The following LHX8 variants were observed in gnomAD, a reference collection of about 807,000 sequenced individuals.
The protein encoded by LHX8 is LIM homeobox 8, also known as LIM/homeobox protein Lhx8.
Under a neutral mutation model 40.3 loss-of-function variants are expected in LHX8, and 12 were observed. The observed-to-expected ratio is 0.30, with a 90% CI of 0.19 to 0.48. The LOEUF (loss-of-function observed/expected upper bound fraction) is 0.48, where lower values mean the gene tolerates loss of function less well. LHX8 is among the 20% of genes least tolerant of loss of function. The probability of loss-of-function intolerance (pLI) is 0.99; values close to 1 mark genes in which losing one functional copy is unlikely to be tolerated. For missense variants in LHX8, 344 were observed against 433.7 expected (o/e 0.79, Z 1.84); for synonymous variants, 179 against 162.0 (o/e 1.10, Z -0.80).
chr1:75,185,713 A>G, the LHX8 span, among the ~76,000 whole-genome samples: 1 of 152,184 alleles, frequency 6.6e-6, no homozygotes, highest in South Asian at 2.1e-4. Flanking sequence ...GGCAAGAGAA[A>G]AAAACAAAGG....
At chr1:75,191,226 G>T in the LHX8 span, among the ~76,000 whole-genome samples, 3 of 151,708 alleles carry the variant, frequency 2.0e-5, no homozygotes, top group African/African-American at 7.3e-5. Context: ...CAAGAATGAA[G>T]AGCAAAAAAC....
intron 6 of LHX8, among the ~76,000 whole-genome samples, chr1:75,146,264 G>A (rs1396877120): frequency 1.3e-5 from 2 of 152,048 alleles, no homozygotes; most frequent in African/African-American, 2.4e-5. Flanking sequence ...TTGGACAGAG[G>A]AGAGTTAAAA....
chr1:75,182,707 T>G, the LHX8 span, among the ~76,000 whole-genome samples: 1 of 152,198 alleles, frequency 6.6e-6, no homozygotes, highest in East Asian at 1.9e-4. Context: ...ACCATGCCAC[T>G]TTTGTAACTA....
In LHX8 at chr1:75,160,892, C is replaced by T; in HGVS notation, c.1038C>T (p.Thr346=). 1.9e-6 allele frequency: 3 copies of T among 1,607,224 alleles called. No individual in the cohort carries two copies. The highest frequency in any genetic ancestry group is 2.6e-6 in the Non-Finnish European group (3 of 1,173,910). The part of the protein sequence containing the change: ...HSMTQLPISH[T] Reference sequence around the variant, plus strand: ...TGACACAACTGCCAATAAGTCATACCTAATTCTTTTTTCAGGGATAGACTT... The same window carrying T: ...TGACACAACTGCCAATAAGTCATACTTAATTCTTTTTTCAGGGATAGACTT... The change falls in exon 9 of 9, where the codon ACC becomes ACT. Residue 346 remains threonine (T), a synonymous_variant. Transcript: ENST00000356261.
the LHX8 span, among the ~76,000 whole-genome samples, chr1:75,174,174 A>G: frequency 6.6e-6 from 1 of 152,192 alleles, no homozygotes; most frequent in Non-Finnish European, 1.5e-5. Flanking sequence ...GGAGACACTC[A>G]TGATTCATTT....
the LHX8 span, among the ~76,000 whole-genome samples, chr1:75,186,197 A>G: frequency 3.9e-5 from 6 of 152,200 alleles, no homozygotes; most frequent in Non-Finnish European, 8.8e-5. Context: ...AACGATTTTA[A>G]CATTCATATG....
chr1:75,152,401 T>G (rs189701739), intron 7 of LHX8, among the ~76,000 whole-genome samples: 197 of 152,332 alleles, frequency 1.3e-3, no homozygotes, highest in Admixed American at 2.7e-3. Context: ...GTTCACATAC[T>G]CTTTCAGATA....
chr1:75,191,551 T>C, the LHX8 span, among the ~76,000 whole-genome samples: 1 of 152,192 alleles, frequency 6.6e-6, no homozygotes, highest in Admixed American at 6.5e-5. Context: ...TCCTTGATCC[T>C]GGTCTAAGGA....
chr1:75,174,052 C>T, the LHX8 span, among the ~76,000 whole-genome samples: 5 of 151,942 alleles, frequency 3.3e-5, no homozygotes, highest in East Asian at 1.9e-4. Context: ...AAATCTGAAA[C>T]GCTGCTTGTC....
At position 75,137,081 on chromosome 1, in the gene LHX8, G is replaced by A. The variant is rs1470033315; in HGVS notation, c.76-19G>A. 1.9e-6 allele frequency: 3 copies of A among 1,593,864 alleles called. No homozygotes were observed. Among genetic ancestry groups the A allele is most frequent in the Non-Finnish European group, 2.6e-6 (3 of 1,167,762 alleles). ...GGAGGAGGGGTCTAGAACCGCCTGC[G>A]CCTCGCGGTTTCCTGCAGGTGAGCC... On this transcript the variant is annotated intron_variant, in intron 2 of 8. Coordinates refer to ENST00000356261, the MANE Select transcript of LHX8 (RefSeq NM_001256114.2).
chr1:75,194,686 C>G, the LHX8 span, among the ~76,000 whole-genome samples: 17,766 of 152,142 alleles, frequency 0.12, 1,724 homozygotes, highest in African/African-American at 0.26. Context: ...GAGTTACTCT[C>G]TTAAGAAATA....
At chr1:75,191,200 A>C in the LHX8 span, among the ~76,000 whole-genome samples, 2 of 152,282 alleles carry the variant, frequency 1.3e-5, no homozygotes, top group East Asian at 3.9e-4. Flanking sequence ...AAAATCGATC[A>C]CCCACACAGC....
rs1392237381 is a variant in LHX8 at position 75,157,502 on chromosome 1, A to G, written c.964+426A>G. 2.0e-5 allele frequency among the ~76,000 whole-genome samples: 3 copies of G among 152,366 alleles called. No individual in the cohort carries two copies. In the East Asian group the frequency reaches 5.8e-4, roughly 29 times the overall value. On this transcript the variant is annotated intron_variant, in intron 8 of 8. Coordinates refer to ENST00000356261, the MANE Select transcript of LHX8 (RefSeq NM_001256114.2). ...AAGAGTGCATACGTAATAACTATTC[A>G]GCTTGATGAATTAATAAAATGAATG... is the stretch of plus-strand genomic sequence containing the variant.
chr1:75,131,643 C>T (rs1647963464), upstream of LHX8: 1 of 152,274 alleles, frequency 6.6e-6, no homozygotes, highest in Non-Finnish European at 1.5e-5. Flanking sequence ...CTGTGGGGGT[C>T]AGGGCGGGTT....
chr1:75,178,462 AG>A, the LHX8 span, among the ~76,000 whole-genome samples: 1 of 152,044 alleles, frequency 6.6e-6, no homozygotes, highest in Non-Finnish European at 1.5e-5. Flanking sequence ...ATGTGCTTAA[AG>A]GTGTTTATAG....
intron 6 of LHX8, among the ~76,000 whole-genome samples, chr1:75,146,717 G>A (rs1553133397): frequency 6.6e-6 from 1 of 152,116 alleles, no homozygotes; most frequent in Non-Finnish European, 1.5e-5. Flanking sequence ...TTTTGTGTGT[G>A]TGAGACTAAT....
At chr1:75,147,062 AG>A (rs1051433754) in intron 6 of LHX8, among the ~76,000 whole-genome samples, 3 of 152,312 alleles carry the variant, frequency 2.0e-5, no homozygotes, top group African/African-American at 7.2e-5. Flanking sequence ...CTATTTTCAC[AG>A]GAAGATACCA....
the LHX8 span, among the ~76,000 whole-genome samples, chr1:75,171,296 A>G: frequency 6.6e-6 from 1 of 152,170 alleles, no homozygotes; most frequent in African/African-American, 2.4e-5. Context: ...CTTGGTAGCC[A>G]ACATCTACAT....
At chr1:75,197,440 G>T in the LHX8 span, among the ~76,000 whole-genome samples, 3 of 152,038 alleles carry the variant, frequency 2.0e-5, no homozygotes, top group African/African-American at 7.2e-5. Flanking sequence ...ATTTAAATTT[G>T]ATTTCTCTTG....
Sources: allele counts gnomAD v4.1 joint callset (sites outside exome capture counted in the v4.1 genomes callset), GRCh38; gene constraint gnomAD v4.1.1; transcripts MANE v1.5; gene names NCBI Gene and HGNC (gene_info 2026-07-23, HGNC 2026-07-21).